The following OPCML variants were observed in gnomAD, a reference collection of about 807,000 sequenced individuals.
The protein encoded by OPCML is opioid binding protein/cell adhesion molecule like.
Under a neutral mutation model 37.8 loss-of-function variants are expected in OPCML, and 13 were observed. The ratio of observed to expected loss-of-function variants is 0.34; its 90% CI spans 0.22 to 0.55. The LOEUF (loss-of-function observed/expected upper bound fraction) is 0.55. Among genes scored for constraint, OPCML ranks in the 20% least tolerant of loss-of-function variants. The probability of loss-of-function intolerance (pLI) is 0.91; values close to 1 mark genes in which losing one functional copy is unlikely to be tolerated. For synonymous variants in OPCML, 176 were observed against 168.8 expected, an observed-to-expected ratio of 1.04 and a Z score of -0.33; for missense variants, 341 against 435.6, an observed-to-expected ratio of 0.78 and a Z score of 1.93.
At position 133,205,094 on chromosome 11, in the gene OPCML, C is replaced by T. The variant is rs1268123896; in HGVS notation, c.62-262084G>A. Among the ~76,000 whole-genome samples the T allele has an allele frequency of 2.0e-5, 3 of 151,766 alleles. No homozygotes were observed. The highest frequency in any genetic ancestry group is 2.9e-5 in the Non-Finnish European group (2 of 67,942). ...CAATTCTGTGATTAAATAATTGGAACTTTCTGTCCCACCCTCTTCTTCCTG... is the reference window on the plus strand; with the variant it reads ...CAATTCTGTGATTAAATAATTGGAATTTTCTGTCCCACCCTCTTCTTCCTG... On this transcript the variant is annotated intron_variant, in intron 1 of 7. Transcript: ENST00000524381. This position sits in a 1 kb window ranked among gnomAD's most constrained non-coding sequence, Gnocchi z 4.8.
chr11:133,424,636 C>T (rs1945962841), intron 1 of OPCML, among the ~76,000 whole-genome samples: 1 of 152,050 alleles, frequency 6.6e-6, no homozygotes, highest in African/African-American at 2.4e-5. Context: ...CTTTGTTTAC[C>T]TTGTATTTTC....
At chr11:133,197,291 G>T (rs990941520) in intron 1 of OPCML, among the ~76,000 whole-genome samples, 4 of 152,172 alleles carry the variant, frequency 2.6e-5, no homozygotes, top group African/African-American at 9.7e-5. Context: ...CTATTAAATT[G>T]TTGCTTTACT....
chr11:132,583,844 C>T (rs934183665), intron 3 of OPCML, among the ~76,000 whole-genome samples: 1 of 151,832 alleles, frequency 6.6e-6, no homozygotes, highest in African/African-American at 2.4e-5. Context: ...AAACTCCTGA[C>T]CTCAGGTGAT....
At chr11:132,917,178 G>A (rs61906933) in intron 2 of OPCML, among the ~76,000 whole-genome samples, 34,295 of 152,030 alleles carry the variant, frequency 0.23, 6,403 homozygotes, top group African/African-American at 0.5. Flanking sequence ...TTAAGACACC[G>A]TAACGAGGAT....
At chr11:132,896,147 C>T (rs760524164) in intron 2 of OPCML, among the ~76,000 whole-genome samples, 15 of 152,126 alleles carry the variant, frequency 9.9e-5, no homozygotes, top group Non-Finnish European at 1.8e-4. Flanking sequence ...TGTGAGTGAG[C>T]TGGAGATGCC....
At position 133,168,213 on chromosome 11, in the gene OPCML, G is replaced by A. The variant is rs942611664; in HGVS notation, c.62-225203C>T. The stretch of plus-strand genomic sequence containing the variant: ...CCAGTGAAATGCCTCCCCGAATTGC[G>A]CAATAGCAGCCATGACACCAGGGAG... On this transcript the variant is annotated intron_variant, in intron 1 of 7. Transcript: ENST00000524381. Among the ~76,000 whole-genome samples, 5 of 152,142 alleles carry A rather than the reference G, an allele frequency of 3.3e-5. No individual in the cohort carries two copies. The South Asian group carries it at 6.2e-4, about 19-fold the overall frequency.
At chr11:132,523,150 G>T (rs148899531) in intron 4 of OPCML, among the ~76,000 whole-genome samples, 1 of 152,198 alleles carries the variant, frequency 6.6e-6, no homozygotes, top group South Asian at 2.1e-4. Flanking sequence ...CAGGTGATCC[G>T]CCCATCTCAG....
chr11:133,203,383 T>A (rs1938887356), intron 1 of OPCML, among the ~76,000 whole-genome samples: 1 of 152,190 alleles, frequency 6.6e-6, no homozygotes, highest in Non-Finnish European at 1.5e-5. Flanking sequence ...TTTGCTGCTG[T>A]TTCCTCTCTC....
intron 1 of OPCML, among the ~76,000 whole-genome samples, chr11:132,975,553 A>C (rs1348394984): frequency 5.4e-4 from 23 of 42,810 alleles, no homozygotes; most frequent in Non-Finnish European, 7.0e-4. Flanking sequence ...AAAAAAAAAA[A>C]AAAAAAAAAA....
intron 2 of OPCML, among the ~76,000 whole-genome samples, chr11:132,768,599 T>A (rs185984833): frequency 6.6e-6 from 1 of 152,254 alleles, no homozygotes; most frequent in Non-Finnish European, 1.5e-5. Context: ...GGTCTCCGAA[T>A]GCTTGCAATA....
intron 3 of OPCML, among the ~76,000 whole-genome samples, chr11:132,608,959 C>T (rs1426344376): frequency 6.6e-6 from 1 of 152,044 alleles, no homozygotes; most frequent in Non-Finnish European, 1.5e-5. Flanking sequence ...TGGCCTTGGT[C>T]CAAGCCCTTA....
intron 4 of OPCML, among the ~76,000 whole-genome samples, chr11:132,464,359 T>C (rs1565584026): frequency 1.3e-5 from 2 of 152,168 alleles, no homozygotes; most frequent in Non-Finnish European, 2.9e-5. Flanking sequence ...CATTATACTG[T>C]ATATGTACTC....
intron 1 of OPCML, among the ~76,000 whole-genome samples, chr11:133,190,870 T>G (rs755332794): frequency 4.1e-4 from 62 of 152,244 alleles, no homozygotes; most frequent in Non-Finnish European, 8.1e-4. Flanking sequence ...TATATTCTAC[T>G]TATCCATTAT....
chr11:132,908,810 G>A (rs1775080938), intron 2 of OPCML, among the ~76,000 whole-genome samples: 1 of 152,252 alleles, frequency 6.6e-6, no homozygotes, highest in Non-Finnish European at 1.5e-5. Context: ...CCTCAGACAG[G>A]AGTCTACTTG....
At chr11:133,045,929 G>A (rs1948003600) in intron 1 of OPCML, among the ~76,000 whole-genome samples, 1 of 152,196 alleles carries the variant, frequency 6.6e-6, no homozygotes, top group African/African-American at 2.4e-5. Flanking sequence ...AGCAAGAGGT[G>A]AGCCAAGTCG....
At chr11:133,482,129 C>A (rs939285592) in intron 1 of OPCML, among the ~76,000 whole-genome samples, 1 of 152,144 alleles carries the variant, frequency 6.6e-6, no homozygotes, top group Admixed American at 6.5e-5. Context: ...AGCACAGTAA[C>A]TGAAAATTCA....
intron 2 of OPCML, among the ~76,000 whole-genome samples, chr11:132,685,163 C>G (rs534656335): frequency 2.0e-5 from 3 of 152,056 alleles, no homozygotes; most frequent in African/African-American, 7.2e-5. Context: ...TTTTTCTTGC[C>G]CTGTCATCTC....
At chr11:133,391,790 C>T (rs961508149) in intron 1 of OPCML, among the ~76,000 whole-genome samples, 13 of 152,156 alleles carry the variant, frequency 8.5e-5, no homozygotes, top group African/African-American at 2.7e-4. Flanking sequence ...GCTAAAGCTC[C>T]GTTAAGTGCA....
chr11:132,481,954 A>T (rs1226905125), intron 4 of OPCML, among the ~76,000 whole-genome samples: 1 of 147,826 alleles, frequency 6.8e-6, no homozygotes, highest in Non-Finnish European at 1.5e-5. Flanking sequence ...CTAAATGCCC[A>T]CAAGAGAAAG....
Sources: gnomAD v4.1 joint callset for allele counts (sites outside exome capture counted in the v4.1 genomes callset) on GRCh38, gnomAD v4.1.1 for gene constraint, Gnocchi (gnomAD v3.1) non-coding constraint, MANE v1.5 for transcripts, NCBI Gene and HGNC (gene_info 2026-07-23, HGNC 2026-07-21) for gene names.